PLCL2: variants seen among roughly 807,000 people sequenced by gnomAD.
The protein encoded by PLCL2 is phospholipase C like 2.
In PLCL2, 4 loss-of-function variants were observed where a neutral mutation model predicts 79.6. The observed-to-expected ratio is 0.05, with a 90% CI of 0.02 to 0.11. The LOEUF (loss-of-function observed/expected upper bound fraction) is 0.11. Ranked by LOEUF, PLCL2 falls within the 10% of genes least tolerant of loss-of-function variation. The pLI is 1.00. For synonymous variants in PLCL2, 484 were observed against 457.7 expected (o/e 1.06, Z -0.73); for missense variants, 895 against 1,291.0 (o/e 0.69, Z 4.70).
At chr3:16,983,720 C>G (rs1205494230) in intron 1 of PLCL2, among the ~76,000 whole-genome samples, 2 of 152,160 alleles carry the variant, frequency 1.3e-5, no homozygotes, top group African/African-American at 4.8e-5. Flanking sequence ...ATTTATAATA[C>G]TAATAATGAC....
intron 1 of PLCL2, among the ~76,000 whole-genome samples, chr3:16,927,983 C>G (rs1697297622): frequency 6.6e-6 from 1 of 152,234 alleles, no homozygotes. Context: ...TCAAAGGCAG[C>G]TTGCAGGATG....
At chr3:17,082,160 T>TTTTTTC (rs2065169020) in intron 5 of PLCL2, among the ~76,000 whole-genome samples, 1 of 150,072 alleles carries the variant, frequency 6.7e-6, no homozygotes, top group Non-Finnish European at 1.5e-5. Flanking sequence ...TTTTTTTTTT[T>TTTTTTC]GAGACAGAGT....
intron 1 of PLCL2, among the ~76,000 whole-genome samples, chr3:16,980,385 G>T (rs562638074): frequency 2.7e-5 from 4 of 148,226 alleles, no homozygotes; most frequent in Non-Finnish European, 6.0e-5. Flanking sequence ...CAGACAGGGC[G>T]GCTGCCGGCC....
intron 1 of PLCL2, among the ~76,000 whole-genome samples, chr3:16,977,149 A>G (rs747906898): frequency 2.0e-5 from 3 of 152,222 alleles, no homozygotes; most frequent in Admixed American, 6.5e-5. Flanking sequence ...ATACGTATAT[A>G]TACACACATA....
rs191938690 is a variant in PLCL2, at chr3:16,976,046, G to T, written c.328-33628G>T. Among the ~76,000 whole-genome samples the T allele has an allele frequency of 4.1e-3, 630 of 152,182 alleles. 2 individuals are homozygous for T. Among genetic ancestry groups the T allele is most frequent in the African/African-American group, 0.015 (605 of 41,550 alleles). On this transcript the variant is annotated intron_variant, in intron 1 of 5. Transcript: ENST00000615277. ...GAGTTCAACCTTGCCCATCCAGGTG[G>T]TTGCTTCTGAGAAGAAGTGGGCAAG...
chr3:17,042,804 C>A, intron 3 of PLCL2, 70 bp from the exon 4 acceptor site: 1 of 1,061,974 alleles, frequency 9.4e-7, no homozygotes, highest in Non-Finnish European at 1.5e-6. Flanking sequence ...AGGAGAAGAG[C>A]CTTGTGCATG....
chr3:16,959,415 G>C (rs2063734640), intron 1 of PLCL2, among the ~76,000 whole-genome samples: 2 of 152,114 alleles, frequency 1.3e-5, no homozygotes, highest in South Asian at 4.1e-4. Context: ...CCTTTCCACA[G>C]CAGTAATGTT....
chr3:17,059,628 G>T (rs2064928068), intron 4 of PLCL2, among the ~76,000 whole-genome samples: 1 of 151,974 alleles, frequency 6.6e-6, no homozygotes, highest in Non-Finnish European at 1.5e-5. Flanking sequence ...AACCATGTGT[G>T]TTATTTGCTA....
chr3:16,950,008 A>G (rs967856877), intron 1 of PLCL2, among the ~76,000 whole-genome samples: 1 of 152,186 alleles, frequency 6.6e-6, no homozygotes, highest in Non-Finnish European at 1.5e-5. Flanking sequence ...TAATCTGGTC[A>G]TCTATTCCTG....
intron 5 of PLCL2, among the ~76,000 whole-genome samples, chr3:17,088,660 ACCCT>A (rs1559294512): frequency 6.6e-6 from 1 of 152,108 alleles, no homozygotes; most frequent in African/African-American, 2.4e-5. Context: ...GGGGTAGCTC[ACCCT>A]CCCACTCAAG....
At chr3:17,083,078 C>T (rs1039640023) in intron 5 of PLCL2, among the ~76,000 whole-genome samples, 3 of 151,924 alleles carry the variant, frequency 2.0e-5, no homozygotes, top group African/African-American at 7.3e-5. Context: ...TTCCTGCCCT[C>T]GTGAAGTTTA....
In PLCL2 at chr3:16,947,063, C is replaced by T. The variant is rs2063608294; in HGVS notation, c.327+61697C>T. Among the ~76,000 whole-genome samples, 5 of 146,486 alleles carry T rather than the reference C, an allele frequency of 3.4e-5. No individual in the cohort carries two copies. In the South Asian group the frequency reaches 1.1e-3, roughly 32 times the overall value. ...CTCGACCCCCTGGGCTCAGGTGATCCTCCCACCTCAGCCTCCCAAGTAGCT... is the reference window on the plus strand; with the variant it reads ...CTCGACCCCCTGGGCTCAGGTGATCTTCCCACCTCAGCCTCCCAAGTAGCT... On this transcript the variant is annotated intron_variant, in intron 1 of 5. Transcript: ENST00000615277.
At position 16,886,744 on chromosome 3, in the gene PLCL2, T is replaced by G. The variant is rs1392705222; in HGVS notation, c.327+1378T>G. ...TAGTGACTTACGTTTTCTTTTACTCTGTAGCTTATGTTTCCATGGAAGTTG... is the reference window on the plus strand; with the variant it reads ...TAGTGACTTACGTTTTCTTTTACTCGGTAGCTTATGTTTCCATGGAAGTTG... On this transcript the variant is annotated intron_variant, in intron 1 of 5. Transcript: ENST00000615277. The surrounding 1 kb of genome is among the most constrained non-coding windows in gnomAD (Gnocchi z 4.2). 6.6e-6 allele frequency among the ~76,000 whole-genome samples: 1 copy of G among 152,260 alleles called. No individual in the cohort carries two copies. Among genetic ancestry groups the G allele is most frequent in the African/African-American group, 2.4e-5 (1 of 41,472 alleles).
chr3:16,974,229 A>G (rs2124981612), intron 1 of PLCL2, among the ~76,000 whole-genome samples: 1 of 152,044 alleles, frequency 6.6e-6, no homozygotes, highest in East Asian at 1.9e-4. Flanking sequence ...GGGAGGGAAA[A>G]CGTTAAAGAG....
chr3:17,015,528 A>G (rs1481377892), intron 3 of PLCL2, among the ~76,000 whole-genome samples: 1 of 152,204 alleles, frequency 6.6e-6, no homozygotes, highest in Admixed American at 6.5e-5. Flanking sequence ...TATTTATCAT[A>G]ACTCTAAGAG....
chr3:17,028,186 G>T (rs2064539272), intron 3 of PLCL2, among the ~76,000 whole-genome samples: 1 of 152,148 alleles, frequency 6.6e-6, no homozygotes, highest in African/African-American at 2.4e-5. Context: ...GAGCAGCTCT[G>T]CATCGTCTCT....
chr3:17,014,681 A>C (rs1247470060), intron 2 of PLCL2, 27 bp from the exon 3 acceptor site: 1 of 1,572,030 alleles, frequency 6.4e-7, no homozygotes, highest in Non-Finnish European at 8.8e-7. Flanking sequence ...AGTTAATTAC[A>C]AATGCTCCTT....
At chr3:17,013,716 C>T (rs150505879) in intron 2 of PLCL2, among the ~76,000 whole-genome samples, 3 of 152,238 alleles carry the variant, frequency 2.0e-5, no homozygotes. Context: ...AGGTCCACCC[C>T]CTCTGCCCGC....
chr3:16,915,732 A>T (rs764252177), intron 1 of PLCL2, among the ~76,000 whole-genome samples: 16 of 152,192 alleles, frequency 1.1e-4, no homozygotes, highest in Admixed American at 2.0e-4. Flanking sequence ...TTTGTTTCTT[A>T]AAAGGTTATT....
Sources: allele counts gnomAD v4.1 joint callset (sites outside exome capture counted in the v4.1 genomes callset), GRCh38; gene constraint gnomAD v4.1.1; non-coding constraint Gnocchi (gnomAD v3.1); transcripts MANE v1.5; gene names NCBI Gene and HGNC (gene_info 2026-07-23, HGNC 2026-07-21).